NSMCE1: variants seen among roughly 807,000 people sequenced by gnomAD.
NSMCE1 encodes the protein NSE1 component of SMC5/6 complex.
A neutral mutation model predicts 29.6 loss-of-function variants in NSMCE1; 18 were observed. The ratio of observed to expected loss-of-function variants is 0.61; its 90% CI spans 0.42 to 0.90. NSMCE1 has a LOEUF of 0.90. NSMCE1 is among the 40% of genes least tolerant of loss of function. NSMCE1 has a pLI of 0.00. For synonymous variants in NSMCE1, 124 were observed against 133.4 expected (o/e 0.93, Z 0.49); for missense variants, 314 against 343.6 (o/e 0.91, Z 0.68).
At chr16:27,241,366 T>G (rs1321195721) in intron 2 of NSMCE1, 2 of 152,302 alleles carry the variant, frequency 1.3e-5, no homozygotes, top group Non-Finnish European at 2.9e-5. Context: ...CTGACAGCCC[T>G]CCCGACAGAC....
At chr16:27,225,509 G>A (rs1485242553) in intron 7 of NSMCE1, among the ~76,000 whole-genome samples, 2 of 152,240 alleles carry the variant, frequency 1.3e-5, no homozygotes, top group East Asian at 1.9e-4. Context: ...GCTCATACAC[G>A]TTGGAATTTC....
Position 27,232,854 on chromosome 16 carries a change from G to A in NSMCE1, c.483+147C>T. On this transcript the variant is annotated intron_variant, in intron 5 of 7. Transcript: ENST00000361439. This position sits in a 1 kb window ranked among gnomAD's most constrained non-coding sequence, Gnocchi z 4.5. ...AGTGAGGCCCAAGTCCTCCCCACGGGGTCACTGCTGGAATGCATGAAAGCA... is the reference window on the plus strand; with the variant it reads ...AGTGAGGCCCAAGTCCTCCCCACGGAGTCACTGCTGGAATGCATGAAAGCA... 1.3e-6 allele frequency: 1 copy of A among 747,870 alleles called. No homozygotes were observed. Among genetic ancestry groups the A allele is most frequent in the South Asian group, 1.8e-5 (1 of 55,804 alleles). The allele number at this position is 747,870 out of a possible 1,614,324, so 46.3% of individuals were successfully genotyped here.
At position 27,243,644 on chromosome 16, in the gene NSMCE1, C is replaced by T. The variant is rs181326041; in HGVS notation, c.137-8345G>A. On this transcript the variant is annotated intron_variant, in intron 2 of 7. Transcript: ENST00000361439. ...GGCAGGATCAGTAACTGATACTACCCTAATTGATTTTATTTTATATTTTAG... is the reference window on the plus strand; with the variant it reads ...GGCAGGATCAGTAACTGATACTACCTTAATTGATTTTATTTTATATTTTAG... Among the ~76,000 whole-genome samples, 28 of 152,256 alleles carry T rather than the reference C, an allele frequency of 1.8e-4. 1 individual carries two copies. The East Asian group carries it at 5.4e-3, about 29-fold the overall frequency.
Position 27,225,056 on chromosome 16 carries a change from G to C in NSMCE1, c.*101C>G. The C allele has an allele frequency of 1.4e-6, 1 of 697,684 alleles. No homozygotes were observed. The highest frequency in any genetic ancestry group is 2.6e-6 in the Non-Finnish European group (1 of 387,046). 43.2% of individuals were successfully genotyped at this position (697,684 alleles called of 1,614,324 possible). On this transcript the variant is annotated 3_prime_UTR_variant, in exon 8 of 8. Coordinates refer to ENST00000361439, the MANE Select transcript of NSMCE1 (RefSeq NM_145080.4). Reference sequence around the variant, plus strand: ...GGACGGTGAACATTAAGACGAAAGAGGTGACTCGCGTGGAACCTGAAACAC... The same window carrying C: ...GGACGGTGAACATTAAGACGAAAGACGTGACTCGCGTGGAACCTGAAACAC...
At chr16:27,251,958 C>G (rs138495086) in intron 2 of NSMCE1, among the ~76,000 whole-genome samples, 1 of 150,916 alleles carries the variant, frequency 6.6e-6, no homozygotes, top group Non-Finnish European at 1.5e-5. Context: ...TCTCCATCTC[C>G]TCAACGCAGG....
intron 5 of NSMCE1, among the ~76,000 whole-genome samples, chr16:27,227,669 G>C (rs1045796554): frequency 3.9e-5 from 6 of 152,192 alleles, no homozygotes; most frequent in African/African-American, 1.4e-4. Flanking sequence ...AACCACACCA[G>C]GAGATGACGT....
intron 2 of NSMCE1, among the ~76,000 whole-genome samples, chr16:27,250,625 C>A (rs2084015898): frequency 6.6e-6 from 1 of 151,614 alleles, no homozygotes; most frequent in Non-Finnish European, 1.5e-5. Context: ...AACCCCACCT[C>A]TACTAAAAAT....
chr16:27,225,433 T>G (rs574305941), intron 7 of NSMCE1, among the ~76,000 whole-genome samples, 197 bp from the exon 8 acceptor site: 1 of 152,356 alleles, frequency 6.6e-6, no homozygotes, highest in South Asian at 2.1e-4. Context: ...GAGGGAGCTG[T>G]GGACATAGCT....
At chr16:27,245,445 G>A (rs560537165) in intron 2 of NSMCE1, among the ~76,000 whole-genome samples, 2 of 152,224 alleles carry the variant, frequency 1.3e-5, no homozygotes, top group Non-Finnish European at 2.9e-5. Flanking sequence ...GTGCTTAGGG[G>A]AGCGTGAAGC....
chr16:27,263,992 G>T (rs1314004098), intron 1 of NSMCE1, among the ~76,000 whole-genome samples: 1 of 152,134 alleles, frequency 6.6e-6, no homozygotes, highest in East Asian at 1.9e-4. Flanking sequence ...AATTTACATA[G>T]AAAACACAAA....
chr16:27,261,965 G>A (rs2084162410), intron 1 of NSMCE1, among the ~76,000 whole-genome samples: 7 of 152,224 alleles, frequency 4.6e-5, no homozygotes, highest in Admixed American at 1.3e-4. Flanking sequence ...ACACAGGGCC[G>A]AGCGCGGTGG....
chr16:27,226,323 C>T (rs866200213), intron 6 of NSMCE1: 10 of 227,720 alleles, frequency 4.4e-5, no homozygotes, highest in Middle Eastern at 1.5e-3. Context: ...CTGAAAGACA[C>T]ATCAATGTCC....
chr16:27,261,864 T>G (rs2084161407), intron 1 of NSMCE1, among the ~76,000 whole-genome samples: 2 of 152,252 alleles, frequency 1.3e-5, no homozygotes, highest in African/African-American at 4.8e-5. Flanking sequence ...TGACATATCA[T>G]CACTTAGGTT....
In NSMCE1 at chr16:27,225,719, C is replaced by T. The variant is rs758258963; in HGVS notation, c.721+7G>A. 18 of 1,614,032 alleles carry T rather than the reference C, an allele frequency of 1.1e-5. No individual in the cohort carries two copies. The highest frequency in any genetic ancestry group is 1.5e-5 in the Non-Finnish European group (18 of 1,179,980). On this transcript the variant is annotated splice_region_variant and intron_variant, in intron 7 of 7. Transcript: ENST00000361439. ...CCCCTCCCATGAGCTCCTCAGGGCC[C>T]ACGCACTTGGGATCTCGTGGGGCCA...
At chr16:27,256,237 C>T (rs575680691) in intron 2 of NSMCE1, among the ~76,000 whole-genome samples, 17 of 152,204 alleles carry the variant, frequency 1.1e-4, no homozygotes, top group African/African-American at 3.6e-4. Context: ...AAAAACCAAA[C>T]GCCTGCATTC....
intron 5 of NSMCE1, 109 bp from the exon 6 acceptor site, chr16:27,226,945 C>CTACGCAGCTTT: frequency 2.7e-6 from 2 of 727,288 alleles, no homozygotes; most frequent in Non-Finnish European, 4.8e-6. Flanking sequence ...ACACAAGGGT[C>CTACGCAGCTTT]TACGCAGCTT....
Position 27,235,299 on chromosome 16 carries a change from C to T in NSMCE1, c.137G>A (p.Arg46His). The T allele has an allele frequency of 6.2e-7, 1 of 1,612,970 alleles. No homozygotes were observed. The highest frequency in any genetic ancestry group is 8.5e-7 in the Non-Finnish European group (1 of 1,179,834). ...CTCCAACTTATCTACGGTGGCATTG[C>T]CTGGAAATAAACAGACCAAAAAAAG... Reference protein sequence around the residue: ...LQTHCYKVHDRNATVDKLEDF... With the variant: ...LQTHCYKVHDHNATVDKLEDF... The change falls in exon 3 of 8, where the codon CGC becomes CAC. Residue 46 changes from arginine (R) to histidine (H), a missense_variant and splice_region_variant. Transcript: ENST00000361439.
At chr16:27,245,200 T>A (rs994674537) in intron 2 of NSMCE1, among the ~76,000 whole-genome samples, 2 of 152,226 alleles carry the variant, frequency 1.3e-5, no homozygotes, top group South Asian at 4.1e-4. Context: ...ATGAAATGAA[T>A]GTGATGTCCC....
chr16:27,268,248 A>G (rs1025600477), intron 1 of NSMCE1: 1 of 152,150 alleles, frequency 6.6e-6, no homozygotes, highest in African/African-American at 2.4e-5. Context: ...GTACAAAGTA[A>G]GAAACTCCGT....
Sources: allele counts gnomAD v4.1 joint callset (sites outside exome capture counted in the v4.1 genomes callset), GRCh38; gene constraint gnomAD v4.1.1; non-coding constraint Gnocchi (gnomAD v3.1); transcripts MANE v1.5; gene names NCBI Gene and HGNC (gene_info 2026-07-23, HGNC 2026-07-21).